DPEP2: variants seen among roughly 807,000 people sequenced by gnomAD.
The protein encoded by DPEP2 is dipeptidase 2.
DPEP2 carries 45 observed loss-of-function variants against 51.8 expected under a neutral mutation model. The ratio of observed to expected loss-of-function variants is 0.87; its 90% CI spans 0.68 to 1.11. The LOEUF (loss-of-function observed/expected upper bound fraction) is 1.11, where lower values mean the gene tolerates loss of function less well. Ranked by LOEUF, DPEP2 falls within the 50% of genes most tolerant of loss-of-function variation. DPEP2 has a pLI of 0.00. For synonymous variants in DPEP2, 255 were observed against 262.7 expected, an observed-to-expected ratio of 0.97 and a Z score of 0.28; for missense variants, 604 against 631.9, an observed-to-expected ratio of 0.96 and a Z score of 0.47.
At chr16:67,995,396 G>T (rs1000648296) in intron 1 of DPEP2, among the ~76,000 whole-genome samples, 3 of 152,028 alleles carry the variant, frequency 2.0e-5, no homozygotes, top group African/African-American at 7.3e-5. Flanking sequence ...GAGTCCTCTT[G>T]GGCTCTGCTT....
At position 67,989,260 on chromosome 16, in the gene DPEP2, G is replaced by A. The variant is rs553919334; in HGVS notation, c.1070+63C>T. On this transcript the variant is annotated intron_variant, in intron 9 of 10. Transcript: ENST00000393847. ...AGGCCTAAAGGACGTGATGGCTATG[G>A]TGACCGTGAAGGCCCCACTGCTGTA... is the stretch of plus-strand genomic sequence containing the variant. 4 of 1,574,108 alleles carry A rather than the reference G, an allele frequency of 2.5e-6. No individual in the cohort carries two copies. In the African/African-American group the frequency reaches 5.4e-5, roughly 21 times the overall value.
In DPEP2 at chr16:67,990,093, C is replaced by A; in HGVS notation, c.948G>T (p.Met316Ile). Residue 316 changes from methionine (M) to isoleucine (I), a missense_variant, in exon 8 of 11, where the codon ATG becomes ATT. By Grantham distance (10) the Met-to-Ile change is conservative (BLOSUM62 1). Coordinates refer to ENST00000393847, the MANE Select transcript of DPEP2 (RefSeq NM_022355.4). ...CTGATGGGTTGCACTGTATTACTCCCATGGACAAAGACACCATCACGACGC... is the reference window on the plus strand; with the variant it reads ...CTGATGGGTTGCACTGTATTACTCCAATGGACAAAGACACCATCACGACGC... ...NGGVVMVSLS[M>I]GVIQCNPSAN... 2 of 1,614,152 alleles carry A rather than the reference C, an allele frequency of 1.2e-6. No homozygotes were observed. The highest frequency in any genetic ancestry group is 1.7e-6 in the Non-Finnish European group (2 of 1,180,020).
rs28431357 is a variant in DPEP2 at position 67,996,367 on chromosome 16, C to T, written c.-46+3008G>A. On this transcript the variant is annotated intron_variant, in intron 1 of 10. Transcript: ENST00000393847. Reference sequence around the variant, plus strand: ...GAATTCAACTTTTTGAATTTTTTTTCTTTTTTTTTTGAGACAAAGTTTTGC... The same window carrying T: ...GAATTCAACTTTTTGAATTTTTTTTTTTTTTTTTTTGAGACAAAGTTTTGC... Among the ~76,000 whole-genome samples the T allele has an allele frequency of 1.2e-4, 11 of 89,954 alleles. No individual in the cohort carries two copies. The South Asian group carries it at 4.0e-3, about 33-fold the overall frequency. 59.0% of individuals were successfully genotyped at this position (89,954 alleles called of 152,430 possible).
chr16:67,990,039 G>A lies in DPEP2; in HGVS notation c.994+8C>T. On this transcript the variant is annotated splice_region_variant and intron_variant, in intron 8 of 10. Coordinates refer to ENST00000393847, the MANE Select transcript of DPEP2 (RefSeq NM_022355.4). ...GAACTGTTCAGAGAGCCCGGGAGAG[G>A]GAGTTACCTGCCACAGTGGACACAT... The A allele has an allele frequency of 6.2e-7, 1 of 1,614,036 alleles. No individual in the cohort carries two copies. The highest frequency in any genetic ancestry group is 8.5e-7 in the Non-Finnish European group (1 of 1,179,924).
chr16:67,999,887 A>T (rs1195846553), upstream of DPEP2: 1 of 152,176 alleles, frequency 6.6e-6, no homozygotes, highest in Non-Finnish European at 1.5e-5. Context: ...AGCCTGGGCG[A>T]CAGAGTGAGA....
chr16:67,997,546 C>T (rs1475417182), intron 1 of DPEP2, among the ~76,000 whole-genome samples: 2 of 151,866 alleles, frequency 1.3e-5, no homozygotes, highest in South Asian at 4.1e-4. Flanking sequence ...TTAGTAGAGA[C>T]GGGGTTTCAC....
At chr16:68,000,329 C>G (rs1051751868), upstream of DPEP2, 2 of 574,108 alleles carry the variant, frequency 3.5e-6, no homozygotes, top group Non-Finnish European at 4.4e-6. Flanking sequence ...TCACTCGCCC[C>G]TACTCATCTC....
chr16:67,993,975 GGAAAGAGC>G (rs1192862652), intron 1 of DPEP2: 24 of 985,274 alleles, frequency 2.4e-5, no homozygotes, highest in Non-Finnish European at 2.9e-5. Context: ...ATCAGCCTTA[GGAAAGAGC>G]TCCTTCCTAA....
Position 67,991,714 on chromosome 16 carries a change from C to G in DPEP2, c.662+124G>C. ...CGTATTCTGAAAACCAGAATCCCAG[C>G]TCCCCTCCCCACTCCAGAGTCAGTG... On this transcript the variant is annotated intron_variant, in intron 5 of 10. Transcript: ENST00000393847. The surrounding 1 kb of genome is among the most constrained non-coding windows in gnomAD (Gnocchi z 5.1). 6 of 1,389,242 alleles carry G rather than the reference C, an allele frequency of 4.3e-6. No individual in the cohort carries two copies. The highest frequency in any genetic ancestry group is 5.8e-6 in the Non-Finnish European group (6 of 1,038,292). 86.1% of individuals were successfully genotyped at this position (1,389,242 alleles called of 1,614,324 possible). A position where few individuals can be genotyped will look rare whatever the true frequency, so the allele number is the denominator to read the frequency against.
intron 1 of DPEP2, among the ~76,000 whole-genome samples, chr16:67,998,575 G>C (rs1371320700): frequency 1.3e-5 from 2 of 152,180 alleles, no homozygotes; most frequent in African/African-American, 4.8e-5. Context: ...CAGTCCCATC[G>C]ACCACCACAG....
At chr16:67,988,320 G>A (rs149695245) in intron 9 of DPEP2, among the ~76,000 whole-genome samples, 7,104 of 151,916 alleles carry the variant, frequency 0.047, 480 homozygotes, top group African/African-American at 0.15. Flanking sequence ...CAAGGTGGGC[G>A]GATCACTTGA....
At chr16:67,990,387 G>A (rs2031977856) in intron 7 of DPEP2, among the ~76,000 whole-genome samples, 1 of 152,140 alleles carries the variant, frequency 6.6e-6, no homozygotes, top group Non-Finnish European at 1.5e-5. Context: ...TGGACTGTGG[G>A]GTTGTGGGGC....
rs1054176658 is a variant in DPEP2, at chr16:67,994,862, A to G, written c.-45-1605T>C. ...AGGCAGATCGATGGCCGAGTGCTCG[A>G]GGTGGGTTAACTGTCACGTCTACTG... On this transcript the variant is annotated intron_variant, in intron 1 of 10. Coordinates refer to ENST00000393847, the MANE Select transcript of DPEP2 (RefSeq NM_022355.4). The G allele has an allele frequency of 1.0e-4, 103 of 985,430 alleles. No individual in the cohort carries two copies. The African/African-American group carries it at 1.7e-3, about 16-fold the overall frequency. 61.0% of individuals were successfully genotyped at this position (985,430 alleles called of 1,614,324 possible).
chr16:67,998,889 T>C (rs2032863272), intron 1 of DPEP2, among the ~76,000 whole-genome samples: 1 of 152,128 alleles, frequency 6.6e-6, no homozygotes, highest in Non-Finnish European at 1.5e-5. Context: ...TGTATTTAGC[T>C]AATCTGGTGG....
chr16:67,999,527 G>A, upstream of DPEP2: 2 of 986,030 alleles, frequency 2.0e-6, no homozygotes, highest in Non-Finnish European at 2.4e-6. Flanking sequence ...ATGGCTTTGG[G>A]TGAGGTTAGG....
upstream of DPEP2, chr16:67,999,636 G>A (rs7204974): frequency 0.18 from 57,646 of 316,052 alleles, 7,059 homozygotes; most frequent in African/African-American, 0.43. Context: ...TTTTAACAAA[G>A]TCTGGTAGGA....
chr16:67,993,519 C>T (rs889416874), intron 1 of DPEP2: 1 of 1,138,012 alleles, frequency 8.8e-7, no homozygotes, highest in Non-Finnish European at 1.1e-6. Flanking sequence ...CTCCACCCTC[C>T]CTTTTACTCC....
intron 1 of DPEP2, among the ~76,000 whole-genome samples, chr16:67,998,644 G>A (rs2032848266): frequency 6.6e-6 from 1 of 152,258 alleles, no homozygotes; most frequent in South Asian, 2.1e-4. Flanking sequence ...TGCATCCCTG[G>A]TGCGGGATCC....
intron 1 of DPEP2, among the ~76,000 whole-genome samples, chr16:67,996,144 T>C (rs2032678948): frequency 6.7e-6 from 1 of 150,108 alleles, no homozygotes; most frequent in East Asian, 2.0e-4. Context: ...GTTCAATCAA[T>C]CCTCCCACTT....
Sources: gnomAD v4.1 joint callset for allele counts (sites outside exome capture counted in the v4.1 genomes callset) on GRCh38, gnomAD v4.1.1 for gene constraint, Gnocchi (gnomAD v3.1) non-coding constraint, MANE v1.5 for transcripts, NCBI Gene and HGNC (gene_info 2026-07-23, HGNC 2026-07-21) for gene names.